Variants in CTNNA3 observed in about 807,000 individuals in gnomAD.
CTNNA3 encodes the protein catenin alpha 3, also known as catenin alpha-3.
Under a neutral mutation model 95.7 loss-of-function variants are expected in CTNNA3, and 76 were observed. The observed-to-expected ratio is 0.79, with a 90% CI of 0.66 to 0.96. The LOEUF (loss-of-function observed/expected upper bound fraction) is 0.96. Ranked by LOEUF, CTNNA3 falls within the 40% of genes least tolerant of loss-of-function variation. The probability of loss-of-function intolerance (pLI) is 0.00; values close to 1 mark genes in which losing one functional copy is unlikely to be tolerated. For synonymous variants in CTNNA3, 431 were observed against 374.4 expected (o/e 1.15, Z -1.74); for missense variants, 1,191 against 1,089.8 (o/e 1.09, Z -1.31).
intron 5 of CTNNA3, among the ~76,000 whole-genome samples, chr10:67,393,600 C>T (rs1458797490): frequency 6.6e-6 from 1 of 152,000 alleles, no homozygotes; most frequent in African/African-American, 2.4e-5. Context: ...CCGCTCATTG[C>T]CATTATTTTA....
chr10:67,555,416 C>T (rs1046404854), intron 3 of CTNNA3, among the ~76,000 whole-genome samples: 1 of 152,042 alleles, frequency 6.6e-6, no homozygotes, highest in Admixed American at 6.6e-5. Context: ...TGTTTGAGTC[C>T]TCTTTTATTT....
chr10:66,577,806 C>A (rs1843054933), intron 10 of CTNNA3, among the ~76,000 whole-genome samples: 1 of 152,122 alleles, frequency 6.6e-6, no homozygotes, highest in East Asian at 1.9e-4. Flanking sequence ...GTGATTCAGT[C>A]TTTTCTTTGA....
chr10:66,285,926 G>A (rs991101978), intron 12 of CTNNA3, among the ~76,000 whole-genome samples: 34 of 151,760 alleles, frequency 2.2e-4, no homozygotes, highest in African/African-American at 6.8e-4. Context: ...TTTTTTCTAT[G>A]TAAGTTGTAT....
intron 1 of CTNNA3, among the ~76,000 whole-genome samples, chr10:67,719,610 T>C (rs1589580103): frequency 6.6e-6 from 1 of 152,342 alleles, no homozygotes; most frequent in East Asian, 1.9e-4. Context: ...TTGAGCGGTT[T>C]TGAGTGAGTT....
At chr10:66,068,725 T>C (rs1589321064) in intron 15 of CTNNA3, among the ~76,000 whole-genome samples, 1 of 152,210 alleles carries the variant, frequency 6.6e-6, no homozygotes, top group African/African-American at 2.4e-5. Context: ...TAGTTACTAG[T>C]AGGGCAGCCA....
At chr10:66,506,133 G>A (rs1163580887) in intron 11 of CTNNA3, among the ~76,000 whole-genome samples, 3 of 152,078 alleles carry the variant, frequency 2.0e-5, no homozygotes, top group Non-Finnish European at 4.4e-5. Context: ...ACCTGCCCTT[G>A]CAGGAATAAA....
intron 5 of CTNNA3, among the ~76,000 whole-genome samples, chr10:67,224,108 C>T (rs550527794): frequency 2.5e-4 from 38 of 152,292 alleles, no homozygotes; most frequent in African/African-American, 9.1e-4. Flanking sequence ...GCTGTGAGAA[C>T]ATGTAAGATC....
chr10:66,595,021 C>T (rs777498170), intron 10 of CTNNA3, among the ~76,000 whole-genome samples: 2 of 151,946 alleles, frequency 1.3e-5, no homozygotes, highest in Admixed American at 6.6e-5. Context: ...GTGATATCAG[C>T]GAGATTGTGG....
intron 5 of CTNNA3, among the ~76,000 whole-genome samples, chr10:67,266,918 G>C (rs184768595): frequency 2.9e-4 from 44 of 152,176 alleles, no homozygotes; most frequent in Admixed American, 2.1e-3. Context: ...CAAATTCTAT[G>C]CTATAAATGT....
chr10:65,978,420 T>C (rs1479890858), intron 16 of CTNNA3, among the ~76,000 whole-genome samples: 1 of 149,850 alleles, frequency 6.7e-6, no homozygotes, highest in Non-Finnish European at 1.5e-5. Context: ...TCCCAGACTG[T>C]ATTGTAAGCA....
intron 10 of CTNNA3, among the ~76,000 whole-genome samples, chr10:66,569,731 T>C (rs978547863): frequency 2.6e-5 from 4 of 152,142 alleles, no homozygotes; most frequent in African/African-American, 4.8e-5. Context: ...AGCTATTATC[T>C]ACACTGACAA....
intron 11 of CTNNA3, among the ~76,000 whole-genome samples, chr10:66,400,326 A>G (rs1176061985): frequency 6.6e-6 from 1 of 152,052 alleles, no homozygotes; most frequent in Non-Finnish European, 1.5e-5. Flanking sequence ...GATAATTAGT[A>G]ATTTTTATCA....
At chr10:67,366,802 C>T (rs777639595) in intron 5 of CTNNA3, among the ~76,000 whole-genome samples, 3 of 152,116 alleles carry the variant, frequency 2.0e-5, no homozygotes, top group Non-Finnish European at 2.9e-5. Flanking sequence ...AGATAACTGG[C>T]TATCCATATG....
At chr10:65,991,384 T>C (rs538830613) in intron 15 of CTNNA3, among the ~76,000 whole-genome samples, 3 of 152,172 alleles carry the variant, frequency 2.0e-5, no homozygotes, top group African/African-American at 7.2e-5. Context: ...TTAATTCTTC[T>C]GATCTATGGG....
chr10:67,503,620 T>C (rs1191042054), intron 5 of CTNNA3, among the ~76,000 whole-genome samples: 2 of 152,176 alleles, frequency 1.3e-5, no homozygotes, highest in Non-Finnish European at 2.9e-5. Flanking sequence ...CTATAAGAGC[T>C]TGATCTTAGA....
intron 13 of CTNNA3, among the ~76,000 whole-genome samples, chr10:66,125,021 C>A (rs1000873838): frequency 2.6e-5 from 4 of 152,090 alleles, no homozygotes; most frequent in African/African-American, 9.7e-5. Context: ...CAAAATTATT[C>A]TTCAAAAACG....
intron 13 of CTNNA3, among the ~76,000 whole-genome samples, chr10:66,167,385 C>T (rs2085190462): frequency 6.6e-6 from 1 of 152,058 alleles, no homozygotes; most frequent in Admixed American, 6.6e-5. Context: ...CGTTAAGTTT[C>T]CTGTGAGATT....
intron 5 of CTNNA3, among the ~76,000 whole-genome samples, chr10:67,454,496 G>A (rs1282371878): frequency 5.3e-5 from 8 of 152,100 alleles, no homozygotes; most frequent in Non-Finnish European, 1.0e-4. Context: ...CGAAACATAG[G>A]ATGCTGATTT....
intron 7 of CTNNA3, among the ~76,000 whole-genome samples, chr10:66,909,572 T>C (rs1846136651): frequency 6.6e-6 from 1 of 152,048 alleles, no homozygotes. Flanking sequence ...TGAAATTTCC[T>C]TCAGAACAGG....
Sources: allele counts gnomAD v4.1 joint callset (sites outside exome capture counted in the v4.1 genomes callset), GRCh38; gene constraint gnomAD v4.1.1; transcripts MANE v1.5; gene names NCBI Gene and HGNC (gene_info 2026-07-23, HGNC 2026-07-21).